Variants in RPL6 observed in about 807,000 individuals in gnomAD.
The protein encoded by RPL6 is ribosomal protein L6.
Under a neutral mutation model 32.1 loss-of-function variants are expected in RPL6, and 1 was observed. The ratio of observed to expected loss-of-function variants is 0.03; its 90% CI spans 0.01 to 0.15. The LOEUF (loss-of-function observed/expected upper bound fraction) is 0.15. Ranked by LOEUF, RPL6 falls within the 10% of genes least tolerant of loss-of-function variation. The pLI, the probability that RPL6 is intolerant of heterozygous loss-of-function variation, is 1.00. For synonymous variants in RPL6, 126 were observed against 131.6 expected (o/e 0.96, Z 0.29); for missense variants, 275 against 354.6 (o/e 0.78, Z 1.80).
upstream of RPL6, among the ~76,000 whole-genome samples, chr12:112,411,728 G>A (rs1331486582): frequency 6.6e-6 from 1 of 152,092 alleles, no homozygotes; most frequent in African/African-American, 2.4e-5. Flanking sequence ...TTTTGTTGCG[G>A]TATTGCAAAA....
intron 3 of RPL6, chr12:112,408,032 T>C (rs1427692514): frequency 7.0e-6 from 4 of 570,920 alleles, no homozygotes; most frequent in African/African-American, 3.8e-5. Context: ...ATTCCCATAT[T>C]ATATGCAAAG....
chr12:112,412,695 TTTTG>T (rs945449222), upstream of RPL6, among the ~76,000 whole-genome samples: 3 of 152,080 alleles, frequency 2.0e-5, no homozygotes, highest in African/African-American at 7.2e-5. Context: ...CAGCTGTATT[TTTTG>T]TTTGTTTGTT....
intron 5 of RPL6, 51 bp downstream of exon 5, chr12:112,406,243 C>T (rs2037164541): frequency 6.6e-7 from 1 of 1,504,386 alleles, no homozygotes; most frequent in Non-Finnish European, 9.2e-7. Flanking sequence ...ATACTGCAAG[C>T]ATTTAAAAAT....
intron 1 of RPL6, chr12:112,409,177 G>C (rs757531039): frequency 6.1e-6 from 2 of 327,370 alleles, no homozygotes; most frequent in Non-Finnish European, 1.1e-5. Flanking sequence ...GCGACTTCCG[G>C]TCGGGGACGC....
Position 112,406,361 on chromosome 12 carries a change from A to G in RPL6, c.481-19T>C. On this transcript the variant is annotated intron_variant, in intron 4 of 6. Coordinates refer to ENST00000202773, the MANE Select transcript of RPL6 (RefSeq NM_000970.6). ...CCACCCTCTGTAAGTTAAAAAGAAA[A>G]TAATTAGTTTTCTGCAATTAAAAAC... 6.2e-7 allele frequency: 1 copy of G among 1,607,384 alleles called. No homozygotes were observed.
intron 5 of RPL6, 110 bp from the exon 6 acceptor site, chr12:112,406,147 C>G (rs2037159803): frequency 8.3e-7 from 1 of 1,204,202 alleles, no homozygotes; most frequent in Non-Finnish European, 1.2e-6. Flanking sequence ...ACTTGTCTAA[C>G]CCACTTGCAC....
At chr12:112,413,275 G>A (rs1158049848), upstream of RPL6, among the ~76,000 whole-genome samples, 2 of 152,164 alleles carry the variant, frequency 1.3e-5, no homozygotes, top group African/African-American at 2.4e-5. Context: ...GGTGGCTCAC[G>A]CCTGTAATCC....
intron 1 of RPL6, chr12:112,409,267 A>G (rs1244417059): frequency 2.1e-5 from 8 of 388,544 alleles, no homozygotes; most frequent in Non-Finnish European, 3.6e-5. Context: ...TCTGGAACCC[A>G]GGACCAGGAA....
Position 112,406,321 on chromosome 12 carries a change from G to C in RPL6, c.502C>G (p.Leu168Val). 6.2e-7 allele frequency: 1 copy of C among 1,613,556 alleles called. No homozygotes were observed. The highest frequency in any genetic ancestry group is 1.1e-5 in the South Asian group (1 of 91,030). The change falls in exon 5 of 7, where the codon CTG becomes GTG. Residue 168 changes from leucine to valine, a missense_variant. Transcript: ENST00000202773. The part of the protein sequence containing the change: ...RGKRVVFLKQ[L>V]ASGLLLVTGP... Reference sequence around the variant, plus strand: ...GTCACAAGTAATAAGCCACTAGCCAGCTGCTTCAGGAAAACCACCCTCTGT... The same window carrying C: ...GTCACAAGTAATAAGCCACTAGCCACCTGCTTCAGGAAAACCACCCTCTGT...
rs749986852 is a variant in RPL6, at chr12:112,408,299, T to C, written c.277A>G (p.Thr93Ala). The part of the protein sequence containing the change: ...KKKEKVLATV[T>A]KPVGGDKNGG... The stretch of plus-strand genomic sequence containing the variant: ...TTCTTGTCACCACCAACTGGTTTTG[T>C]AACAGTTGCGAGAACCTTCTCCTTC... Residue 93 changes from threonine to alanine, a missense_variant, in exon 3 of 7, where the codon ACA (threonine) becomes GCA (alanine). Transcript: ENST00000202773. The C allele has an allele frequency of 3.7e-6, 6 of 1,614,242 alleles. No individual in the cohort carries two copies. The East Asian group carries it at 1.3e-4, about 36-fold the overall frequency.
At position 112,416,431 on chromosome 12, in the gene RPL6, G is replaced by A. The variant is rs528840288; in HGVS notation, c.-229+2297C>T. Among the ~76,000 whole-genome samples the A allele has an allele frequency of 2.8e-3, 432 of 152,052 alleles. 5 individuals carry two copies. Among genetic ancestry groups the A allele is most frequent in the African/African-American group, 9.7e-3 (402 of 41,482 alleles). ...TGGGATTACAGGCGTGAGCCACCGC[G>A]CCCAGCCCTAAATTTTGTATTTTTA... On this transcript the variant is annotated intron_variant, in intron 1 of 5. Transcript: ENST00000551291.
At chr12:112,412,436 A>G (rs1434167490), upstream of RPL6, among the ~76,000 whole-genome samples, 1 of 151,750 alleles carries the variant, frequency 6.6e-6, no homozygotes, top group Non-Finnish European at 1.5e-5. Flanking sequence ...CGGCCTCCCA[A>G]AGTGCTGGGA....
chr12:112,405,208 T>C lies in RPL6; in HGVS notation c.*16A>G, dbSNP rs2037123409. 6.4e-7 allele frequency: 1 copy of C among 1,553,572 alleles called. No individual in the cohort carries two copies. The highest frequency in any genetic ancestry group is 8.7e-7 in the Non-Finnish European group (1 of 1,154,766). On this transcript the variant is annotated 3_prime_UTR_variant, in exon 7 of 7. Transcript: ENST00000202773. ...CACAAAATGTAGTCAGCTATTTAAT[T>C]AGGTTCTTAAGACATTTAGAACACC...
upstream of RPL6, chr12:112,410,544 A>G (rs1482611271): frequency 3.0e-5 from 4 of 132,508 alleles, no homozygotes. Context: ...ATGCTACATA[A>G]GTGTTAGCTC....
intron 4 of RPL6, 106 bp downstream of exon 4, chr12:112,406,641 C>A: frequency 7.0e-7 from 1 of 1,427,668 alleles, no homozygotes; most frequent in Non-Finnish European, 9.4e-7. Context: ...TTCCCCTTGC[C>A]CCAAACATAG....
At chr12:112,408,713 A>G (rs2037261570) in intron 1 of RPL6, 57 bp from the exon 2 acceptor site, 8 of 1,438,698 alleles carry the variant, frequency 5.6e-6, no homozygotes, top group East Asian at 2.3e-5. Flanking sequence ...CTCTCTAACA[A>G]GACAATAATG....
chr12:112,405,767 T>G, intron 6 of RPL6, 86 bp downstream of exon 6: 2 of 1,116,212 alleles, frequency 1.8e-6, no homozygotes, highest in Non-Finnish European at 2.6e-6. Context: ...AACCTTTCAT[T>G]TTTCTTCTTT....
At position 112,405,974 on chromosome 12, in the gene RPL6, G is replaced by A. The variant is rs1676293787; in HGVS notation, c.593C>T (p.Ser198Leu). ...TACATTGCTGATATCGATTTTGGTT[G>A]AAGTGGCAATGACAAATTTCTGGTG... ...RTHQKFVIAT[S>L]TKIDISNVKI... Residue 198 changes from serine to leucine, a missense_variant, in exon 6 of 7, where the codon TCA (serine) becomes TTA (leucine). Coordinates refer to ENST00000202773, the MANE Select transcript of RPL6 (RefSeq NM_000970.6). 1 of 1,613,980 alleles carries A rather than the reference G, an allele frequency of 6.2e-7. No individual in the cohort carries two copies. The highest frequency in any genetic ancestry group is 1.3e-5 in the African/African-American group (1 of 74,908).
upstream of RPL6, among the ~76,000 whole-genome samples, chr12:112,413,863 TAAAA>T (rs749770603): frequency 7.6e-6 from 1 of 131,926 alleles, no homozygotes; most frequent in Non-Finnish European, 1.6e-5. Flanking sequence ...CTGTCTGTAT[TAAAA>T]AAAAAAAAAA....
Sources: gnomAD v4.1 joint callset for allele counts (sites outside exome capture counted in the v4.1 genomes callset) on GRCh38, gnomAD v4.1.1 for gene constraint, MANE v1.5 for transcripts, NCBI Gene and HGNC (gene_info 2026-07-23, HGNC 2026-07-21) for gene names.